CPNE4: variants seen among roughly 807,000 people sequenced by gnomAD.
CPNE4 encodes copine 4.
In CPNE4, 25 loss-of-function variants were observed where a neutral mutation model predicts 67.9. The observed-to-expected ratio is 0.37, with a 90% confidence interval of 0.27 to 0.51. CPNE4 has a LOEUF of 0.51. CPNE4 is among the 20% of genes least tolerant of loss of function. CPNE4 has a pLI of 0.93. For synonymous variants in CPNE4, 242 were observed against 244.9 expected, an observed-to-expected ratio of 0.99 and a Z score of 0.11; for missense variants, 464 against 690.8, an observed-to-expected ratio of 0.67 and a Z score of 3.68.
chr3:131,567,993 C>T lies in CPNE4; in HGVS notation c.928-3644G>A, dbSNP rs150714683. The stretch of plus-strand genomic sequence containing the variant: ...GCAATGGCCCCTACGTCTATGACAA[C>T]GAGAGAGGCCACTTCATCTCAGGAG... On this transcript the variant is annotated intron_variant, in intron 10 of 15. Coordinates refer to ENST00000429747, the MANE Select transcript of CPNE4 (RefSeq NM_130808.3). 3.4e-3 allele frequency among the ~76,000 whole-genome samples: 524 copies of T among 151,918 alleles called. 3 individuals are homozygous for T. Among genetic ancestry groups the T allele is most frequent in the Non-Finnish European group, 5.7e-3 (386 of 67,914 alleles).
chr3:132,019,408 T>A (rs544660389), intron 1 of CPNE4, among the ~76,000 whole-genome samples: 2 of 152,236 alleles, frequency 1.3e-5, no homozygotes, highest in African/African-American at 4.8e-5. Flanking sequence ...AGCTATTGTT[T>A]TAAAGTTTAA....
chr3:131,554,356 C>T (rs1452332656), intron 12 of CPNE4, among the ~76,000 whole-genome samples: 1 of 152,070 alleles, frequency 6.6e-6, no homozygotes, highest in Non-Finnish European at 1.5e-5. Flanking sequence ...TATGCAATTG[C>T]TGAATTCGTT....
chr3:131,911,318 T>A (rs563511978), intron 1 of CPNE4, among the ~76,000 whole-genome samples: 4 of 152,242 alleles, frequency 2.6e-5, no homozygotes, highest in African/African-American at 7.2e-5. Flanking sequence ...AAGTAGATCA[T>A]TCTCCAGTTG....
intron 3 of CPNE4, among the ~76,000 whole-genome samples, chr3:131,710,228 T>C (rs2081524611): frequency 1.3e-5 from 2 of 152,226 alleles, no homozygotes; most frequent in South Asian, 4.1e-4. Flanking sequence ...TTTCAGATTA[T>C]TGTTACCCTT....
chr3:131,798,657 G>A (rs1023325703), intron 2 of CPNE4, among the ~76,000 whole-genome samples: 4 of 152,088 alleles, frequency 2.6e-5, no homozygotes, highest in African/African-American at 9.7e-5. Context: ...TGATATTTGA[G>A]AGTCCAGAAA....
At chr3:131,699,396 T>C (rs2081239913) in intron 4 of CPNE4, among the ~76,000 whole-genome samples, 1 of 152,200 alleles carries the variant, frequency 6.6e-6, no homozygotes, top group Non-Finnish European at 1.5e-5. Flanking sequence ...GGCTAGTGGC[T>C]ACTGAATCAC....
chr3:131,821,298 T>C (rs1289163014), intron 2 of CPNE4, among the ~76,000 whole-genome samples: 1 of 152,200 alleles, frequency 6.6e-6, no homozygotes, highest in Non-Finnish European at 1.5e-5. Flanking sequence ...AGGACATTTG[T>C]TAGAGAATAC....
chr3:131,707,872 C>A (rs1301905092), intron 3 of CPNE4, among the ~76,000 whole-genome samples: 1 of 152,148 alleles, frequency 6.6e-6, no homozygotes, highest in Non-Finnish European at 1.5e-5. Flanking sequence ...TCCAAATAGT[C>A]TCCCTGGTAT....
chr3:131,753,121 G>C (rs541603424), intron 2 of CPNE4, among the ~76,000 whole-genome samples: 1 of 151,726 alleles, frequency 6.6e-6, no homozygotes, highest in African/African-American at 2.4e-5. Flanking sequence ...GATCAGAAAA[G>C]GTTGCTAGTA....
chr3:131,960,522 T>G (rs1187878605), intron 1 of CPNE4, among the ~76,000 whole-genome samples: 1 of 152,198 alleles, frequency 6.6e-6, no homozygotes, highest in Non-Finnish European at 1.5e-5. Context: ...GTTGTTTGCC[T>G]ATTGTCCAAT....
At chr3:131,609,060 C>A (rs912179544) in intron 7 of CPNE4, among the ~76,000 whole-genome samples, 3 of 152,136 alleles carry the variant, frequency 2.0e-5, no homozygotes, top group Admixed American at 2.0e-4. Context: ...CAGGCTAGAT[C>A]TAGCTTGTTA....
intron 10 of CPNE4, among the ~76,000 whole-genome samples, chr3:131,564,899 A>G (rs1308529700): frequency 2.0e-5 from 3 of 152,040 alleles, no homozygotes; most frequent in Non-Finnish European, 2.9e-5. Context: ...AAGGCATTCA[A>G]TATTTTGGTT....
chr3:131,963,486 A>T (rs767109361), intron 1 of CPNE4, among the ~76,000 whole-genome samples: 4 of 152,110 alleles, frequency 2.6e-5, no homozygotes, highest in African/African-American at 4.8e-5. Flanking sequence ...ACTGAGAACC[A>T]CTGGCTTGAA....
chr3:131,686,018 A>C, intron 5 of CPNE4, 60 bp from the exon 6 acceptor site: 1 of 894,352 alleles, frequency 1.1e-6, no homozygotes, highest in Non-Finnish European at 1.8e-6. Context: ...AGTCCTGATC[A>C]ATCAGGAATA....
chr3:131,585,938 T>C (rs1001967287), intron 8 of CPNE4, among the ~76,000 whole-genome samples: 1 of 152,168 alleles, frequency 6.6e-6, no homozygotes, highest in African/African-American at 2.4e-5. Flanking sequence ...CAGCAGGTTT[T>C]GCAGGAACTA....
At chr3:131,727,022 A>G (rs1057395933) in intron 2 of CPNE4, among the ~76,000 whole-genome samples, 1 of 152,300 alleles carries the variant, frequency 6.6e-6, no homozygotes, top group African/African-American at 2.4e-5. Flanking sequence ...TTTATTGTTT[A>G]CAGAACATGC....
chr3:131,834,619 T>A (rs535300337), intron 2 of CPNE4, among the ~76,000 whole-genome samples: 11 of 151,952 alleles, frequency 7.2e-5, no homozygotes, highest in African/African-American at 2.7e-4. Context: ...CACAAAAAAA[T>A]AAAAATCAAT....
At chr3:131,963,779 G>C (rs9868921) in intron 1 of CPNE4, among the ~76,000 whole-genome samples, 54,445 of 151,892 alleles carry the variant, frequency 0.36, 10,164 homozygotes, top group Non-Finnish European at 0.42. Flanking sequence ...GGACAGAGCA[G>C]CTGGGGGAAG....
chr3:131,889,029 C>T (rs1038520499), intron 2 of CPNE4, among the ~76,000 whole-genome samples: 2 of 152,174 alleles, frequency 1.3e-5, no homozygotes, highest in Non-Finnish European at 1.5e-5. Flanking sequence ...TGATCCACTA[C>T]TCACATTAGT....
Sources: allele counts gnomAD v4.1 joint callset (sites outside exome capture counted in the v4.1 genomes callset), GRCh38; gene constraint gnomAD v4.1.1; transcripts MANE v1.5; gene names NCBI Gene and HGNC (gene_info 2026-07-23, HGNC 2026-07-21).